CSMD1: variants seen among roughly 807,000 people sequenced by gnomAD.
CSMD1 encodes the protein CUB and sushi domain-containing protein 1.
A neutral mutation model predicts 417.5 loss-of-function variants in CSMD1; 213 were observed. The ratio of observed to expected loss-of-function variants is 0.51; its 90% CI spans 0.46 to 0.57. The LOEUF (loss-of-function observed/expected upper bound fraction) is 0.57, where lower values mean the gene tolerates loss of function less well. Among genes scored for constraint, CSMD1 ranks in the 20% least tolerant of loss-of-function variants. The pLI, the probability that CSMD1 is intolerant of heterozygous loss-of-function variation, is 0.00. For synonymous variants in CSMD1, 2,862 were observed against 1,736.8 expected (o/e 1.65, Z -16.11); for missense variants, 6,923 against 4,529.7 (o/e 1.53, Z -15.17).
intron 1 of CSMD1, among the ~76,000 whole-genome samples, chr8:4,982,074 T>C (rs1431628282): frequency 1.3e-5 from 2 of 152,134 alleles, no homozygotes; most frequent in Non-Finnish European, 2.9e-5. Flanking sequence ...ATCTTAGAAG[T>C]GGATTCTACC....
chr8:3,976,852 C>T (rs539290367), intron 5 of CSMD1, among the ~76,000 whole-genome samples: 3 of 152,182 alleles, frequency 2.0e-5, no homozygotes, highest in Non-Finnish European at 4.4e-5. Flanking sequence ...ACCTCAACCA[C>T]TGCACTGACC....
rs535406584 is a variant in CSMD1, at chr8:4,487,326, C to T, written c.303-67261G>A. 2.0e-5 allele frequency among the ~76,000 whole-genome samples: 3 copies of T among 152,266 alleles called. No individual in the cohort carries two copies. In the East Asian group the frequency reaches 5.8e-4, roughly 29 times the overall value. ...TCCTAATGCTATCCCTCCCCTCTCC[C>T]CACAACAGTCCCCAGAGTGTGATGT... On this transcript the variant is annotated intron_variant, in intron 2 of 69. Coordinates refer to ENST00000635120, the MANE Select transcript of CSMD1 (RefSeq NM_033225.6).
chr8:3,112,857 G>C (rs1302782433), intron 42 of CSMD1: 1 of 152,194 alleles, frequency 6.6e-6, no homozygotes, highest in African/African-American at 2.4e-5. Context: ...GCAAAATCCT[G>C]TTGCCCTCCC....
intron 3 of CSMD1, among the ~76,000 whole-genome samples, chr8:4,250,826 G>A (rs962054515): frequency 2.0e-5 from 3 of 152,118 alleles, no homozygotes; most frequent in African/African-American, 4.8e-5. Context: ...TGGTTGAAAT[G>A]TTTTTTAGAA....
chr8:4,801,350 G>A (rs1356572910), intron 1 of CSMD1, among the ~76,000 whole-genome samples: 1 of 152,130 alleles, frequency 6.6e-6, no homozygotes, highest in Non-Finnish European at 1.5e-5. Context: ...AATTGCTGCT[G>A]CTGCTGCCAG....
chr8:3,323,405 C>T (rs1428657303), intron 23 of CSMD1, among the ~76,000 whole-genome samples: 1 of 152,106 alleles, frequency 6.6e-6, no homozygotes, highest in Admixed American at 6.5e-5. Context: ...TTTCCCAAGT[C>T]ACTAATAGTC....
chr8:3,119,538 T>C (rs1817075356), intron 41 of CSMD1, among the ~76,000 whole-genome samples: 2 of 152,174 alleles, frequency 1.3e-5, no homozygotes, highest in Non-Finnish European at 2.9e-5. Context: ...AGATAATAAA[T>C]GTTTGCAGTC....
At chr8:3,855,785 C>A (rs962070690) in intron 5 of CSMD1, among the ~76,000 whole-genome samples, 9 of 152,134 alleles carry the variant, frequency 5.9e-5, no homozygotes, top group Admixed American at 2.0e-4. Context: ...TGAGTAAAGA[C>A]AAGCTTTCTG....
intron 26 of CSMD1, among the ~76,000 whole-genome samples, chr8:3,274,081 C>G (rs1340101312): frequency 2.0e-5 from 3 of 151,640 alleles, no homozygotes; most frequent in Non-Finnish European, 2.9e-5. Context: ...ATAAATTTCC[C>G]TCTACACACT....
At chr8:3,212,395 C>G (rs995971258) in intron 30 of CSMD1, among the ~76,000 whole-genome samples, 1 of 152,150 alleles carries the variant, frequency 6.6e-6, no homozygotes, top group Non-Finnish European at 1.5e-5. Flanking sequence ...GTTGCCCAGG[C>G]TATAGTGCAG....
chr8:2,947,726 C>A (rs1802348407), intron 68 of CSMD1, among the ~76,000 whole-genome samples: 1 of 152,142 alleles, frequency 6.6e-6, no homozygotes, highest in Non-Finnish European at 1.5e-5. Flanking sequence ...GGACAAATAA[C>A]TCCAGGATTC....
chr8:3,094,307 G>A (rs1420291036), intron 47 of CSMD1, among the ~76,000 whole-genome samples: 3 of 151,920 alleles, frequency 2.0e-5, no homozygotes, highest in Non-Finnish European at 2.9e-5. Context: ...GTTTCACCAC[G>A]CTGGCCAGGC....
intron 10 of CSMD1, among the ~76,000 whole-genome samples, chr8:3,533,433 T>A (rs995434939): frequency 2.6e-5 from 4 of 152,222 alleles, no homozygotes; most frequent in Admixed American, 2.6e-4. Flanking sequence ...TCTGTCAGCG[T>A]CTATGAGTTT....
At chr8:3,549,989 T>C (rs1030566574) in intron 10 of CSMD1, among the ~76,000 whole-genome samples, 4 of 152,232 alleles carry the variant, frequency 2.6e-5, no homozygotes, top group African/African-American at 7.2e-5. Flanking sequence ...AGTTAATATA[T>C]GTGTTGCTTA....
chr8:3,868,601 A>G (rs1805268814), intron 5 of CSMD1, among the ~76,000 whole-genome samples: 1 of 152,162 alleles, frequency 6.6e-6, no homozygotes, highest in Non-Finnish European at 1.5e-5. Flanking sequence ...AGCTCACGCA[A>G]TAGGACCCGA....
chr8:3,561,187 C>A (rs4875736), intron 10 of CSMD1, among the ~76,000 whole-genome samples: 7,719 of 152,208 alleles, frequency 0.051, 358 homozygotes, highest in Admixed American at 0.15. Context: ...CTATTGGTAG[C>A]AATGTAAATG....
chr8:3,053,428 C>T (rs878979140), intron 49 of CSMD1, among the ~76,000 whole-genome samples: 1 of 152,110 alleles, frequency 6.6e-6, no homozygotes, highest in Non-Finnish European at 1.5e-5. Flanking sequence ...GAAAAGTCTT[C>T]CCTTTTTATT....
chr8:4,798,585 AC>A (rs1437227937), intron 1 of CSMD1, among the ~76,000 whole-genome samples: 1 of 152,188 alleles, frequency 6.6e-6, no homozygotes, highest in Non-Finnish European at 1.5e-5. Context: ...TCAAAAAGTT[AC>A]CACACTGTGT....
intron 1 of CSMD1, among the ~76,000 whole-genome samples, chr8:4,671,596 G>C (rs997932626): frequency 6.6e-6 from 1 of 152,148 alleles, no homozygotes; most frequent in Non-Finnish European, 1.5e-5. Flanking sequence ...CTCAAACAAC[G>C]TTATCTTCAA....
Sources: allele counts gnomAD v4.1 joint callset (sites outside exome capture counted in the v4.1 genomes callset), GRCh38; gene constraint gnomAD v4.1.1; transcripts MANE v1.5; gene names NCBI Gene and HGNC (gene_info 2026-07-23, HGNC 2026-07-21).